RRAGC: variants seen among roughly 807,000 people sequenced by gnomAD.
RRAGC encodes the protein Ras related GTP binding C, also known as ras-related GTP-binding protein C.
Under a neutral mutation model 37.1 loss-of-function variants are expected in RRAGC, and 8 were observed. That is an observed-to-expected ratio of 0.22 (90% CI 0.13 to 0.39). The LOEUF is 0.39. RRAGC is among the 10% of genes least tolerant of loss of function. The pLI is 1.00. For missense variants in RRAGC, 342 were observed against 497.6 expected, an observed-to-expected ratio of 0.69 and a Z score of 2.98; for synonymous variants, 190 against 181.1, an observed-to-expected ratio of 1.05 and a Z score of -0.39.
chr1:38,838,576 G>GA lies in RRAGC; in HGVS notation c.*976dup, dbSNP rs1171237907. 1 of 152,212 alleles carries GA rather than the reference G, an allele frequency of 6.6e-6. No homozygotes were observed. Among genetic ancestry groups the GA allele is most frequent in the Non-Finnish European group, 1.5e-5 (1 of 68,050 alleles). The allele number at this position is 152,212 out of a possible 1,614,324, so 9.4% of individuals were successfully genotyped here. On this transcript the variant is annotated 3_prime_UTR_variant, in exon 7 of 7. Transcript: ENST00000373001. ...GTTGACACTTGGTGTCAGAATACTAGAGACAAAGTATGTAAAACAATGCCT... is the reference window on the plus strand; with the variant it reads ...GTTGACACTTGGTGTCAGAATACTAGAAGACAAAGTATGTAAAACAATGCCT...
At chr1:38,839,913 G>A (rs994902149) in intron 6 of RRAGC, among the ~76,000 whole-genome samples, 10 of 151,834 alleles carry the variant, frequency 6.6e-5, no homozygotes, top group African/African-American at 1.2e-4. Context: ...TTGGGAGGCC[G>A]AGGCGGGCAG....
chr1:38,859,245 TC>T (rs1570873544), intron 1 of RRAGC, among the ~76,000 whole-genome samples, 164 bp downstream of exon 1: 1 of 152,136 alleles, frequency 6.6e-6, no homozygotes, highest in Admixed American at 6.5e-5. Context: ...GACACAGAGG[TC>T]GGGGTCCCCG....
chr1:38,858,030 T>C (rs907070702), intron 1 of RRAGC, among the ~76,000 whole-genome samples: 2 of 152,200 alleles, frequency 1.3e-5, no homozygotes, highest in Non-Finnish European at 2.9e-5. Context: ...CTTTGCCTCT[T>C]ACTGTCTAGA....
At chr1:38,854,412 C>T (rs537699538) in intron 3 of RRAGC, among the ~76,000 whole-genome samples, 40 of 151,266 alleles carry the variant, frequency 2.6e-4, no homozygotes, top group Non-Finnish European at 5.0e-4. Context: ...TTAACAAGGT[C>T]TAGGACCCTA....
intron 5 of RRAGC, 30 bp downstream of exon 5, chr1:38,851,585 A>C: frequency 6.8e-7 from 1 of 1,466,526 alleles, no homozygotes; most frequent in Non-Finnish European, 9.0e-7. Flanking sequence ...CGCCTGTCTG[A>C]GATATTGCAG....
intron 5 of RRAGC, chr1:38,846,875 G>A (rs1159401866): frequency 6.6e-6 from 1 of 152,134 alleles, no homozygotes; most frequent in Non-Finnish European, 1.5e-5. Context: ...GGTTGAGGCG[G>A]GCCACCTGTC....
intron 3 of RRAGC, among the ~76,000 whole-genome samples, chr1:38,853,416 T>C (rs1642126046): frequency 1.3e-5 from 2 of 152,320 alleles, no homozygotes; most frequent in South Asian, 4.1e-4. Flanking sequence ...TATACGTATA[T>C]ATAACATCAG....
chr1:38,856,576 A>G, intron 2 of RRAGC: 1 of 215,468 alleles, frequency 4.6e-6, no homozygotes, highest in Non-Finnish European at 9.2e-6. Context: ...TTCAGGGAAT[A>G]ACATCACTAT....
intron 6 of RRAGC, among the ~76,000 whole-genome samples, chr1:38,842,640 G>A (rs1284670907): frequency 1.3e-5 from 2 of 152,112 alleles, no homozygotes; most frequent in African/African-American, 4.8e-5. Context: ...AAAAGATATA[G>A]GTACTCTATA....
At chr1:38,840,578 C>T (rs1285727303) in intron 6 of RRAGC, among the ~76,000 whole-genome samples, 2 of 152,126 alleles carry the variant, frequency 1.3e-5, no homozygotes, top group Admixed American at 1.3e-4. Flanking sequence ...AAGTGCAGGG[C>T]AAAGTAATCA....
At chr1:38,850,712 A>C (rs563683135) in intron 5 of RRAGC, among the ~76,000 whole-genome samples, 1 of 152,272 alleles carries the variant, frequency 6.6e-6, no homozygotes, top group Non-Finnish European at 1.5e-5. Context: ...GAGCAGAGAG[A>C]AGACACAGGT....
Position 38,859,409 on chromosome 1 carries a change from C to G in RRAGC, c.237+1G>C, listed in dbSNP as rs1471830544. The G allele has an allele frequency of 6.5e-7, 1 of 1,547,954 alleles. No homozygotes were observed. The highest frequency in any genetic ancestry group is 8.7e-7 in the Non-Finnish European group (1 of 1,146,388). On this transcript the variant is annotated splice_donor_variant, in intron 1 of 6. Transcript: ENST00000373001. LOFTEE classifies it high-confidence loss of function. Reference sequence around the variant, plus strand: ...GGGGGACTGGGCGCAGCCCTGCTCACCTTCTGGATGGAGGACTTGCCGCTG... The same window carrying G: ...GGGGGACTGGGCGCAGCCCTGCTCAGCTTCTGGATGGAGGACTTGCCGCTG...
chr1:38,859,251 T>A (rs1642204780), intron 1 of RRAGC, among the ~76,000 whole-genome samples, 159 bp downstream of exon 1: 1 of 152,122 alleles, frequency 6.6e-6, no homozygotes, highest in Non-Finnish European at 1.5e-5. Context: ...GAGGTCGGGG[T>A]CCCCGCGCGG....
chr1:38,844,448 G>GAA (rs770037090), intron 6 of RRAGC, among the ~76,000 whole-genome samples: 83 of 98,154 alleles, frequency 8.5e-4, no homozygotes, highest in Middle Eastern at 4.8e-3. Context: ...CAGGACTGAG[G>GAA]AAAAAAAAAA....
rs1236162481 is a variant in RRAGC, at chr1:38,855,946, AC to A, written c.442-40del. On this transcript the variant is annotated intron_variant, in intron 2 of 6. Transcript: ENST00000373001. Reference sequence around the variant, plus strand: ...CAAAATATTTTTTAAAATAAATCTTACAAAAGCCAAGTAATGAGTTAAAGCC... The same window carrying A: ...CAAAATATTTTTTAAAATAAATCTTAAAAAGCCAAGTAATGAGTTAAAGCC... The A allele has an allele frequency of 2.0e-6, 3 of 1,502,152 alleles. No individual in the cohort carries two copies. The African/African-American group carries it at 4.2e-5, about 21-fold the overall frequency. 93.1% of individuals were successfully genotyped at this position (1,502,152 alleles called of 1,614,324 possible). A position where few individuals can be genotyped will look rare whatever the true frequency, so the allele number is the denominator to read the frequency against.
rs1363075732 is a variant in RRAGC, at chr1:38,859,654, G to C, written c.-8C>G. The C allele has an allele frequency of 7.1e-6, 11 of 1,538,806 alleles. No homozygotes were observed. The highest frequency in any genetic ancestry group is 9.6e-6 in the Non-Finnish European group (11 of 1,143,600). On this transcript the variant is annotated 5_prime_UTR_variant, in exon 1 of 7. Coordinates refer to ENST00000373001, the MANE Select transcript of RRAGC (RefSeq NM_022157.4). ...CCCGTACTGCAGGGACATGGTGCTG[G>C]AGCCGCCGCCGCCCGCGCCCTGACA...
chr1:38,858,554 C>T (rs1642195122), intron 1 of RRAGC, among the ~76,000 whole-genome samples: 1 of 152,142 alleles, frequency 6.6e-6, no homozygotes. Flanking sequence ...AATAATTAGC[C>T]GGGCGTGGTG....
chr1:38,854,885 T>C (rs2124231919), intron 3 of RRAGC, among the ~76,000 whole-genome samples: 1 of 152,312 alleles, frequency 6.6e-6, no homozygotes, highest in South Asian at 2.1e-4. Context: ...CCCTTCTCCC[T>C]CTTTAAGCTA....
chr1:38,846,165 C>T (rs1642025138), intron 5 of RRAGC, 78 bp from the exon 6 acceptor site: 1 of 1,128,430 alleles, frequency 8.9e-7, no homozygotes, highest in Non-Finnish European at 1.3e-6. Context: ...CAATGACATC[C>T]ACCCAGTTTC....
Sources: allele counts gnomAD v4.1 joint callset (sites outside exome capture counted in the v4.1 genomes callset), GRCh38; gene constraint gnomAD v4.1.1; transcripts MANE v1.5; gene names NCBI Gene and HGNC (gene_info 2026-07-23, HGNC 2026-07-21).